Variants in SLC4A4 observed in about 807,000 individuals in gnomAD.
The protein encoded by SLC4A4 is solute carrier family 4 member 4.
SLC4A4 carries 27 observed loss-of-function variants against 111.5 expected under a neutral mutation model. The observed-to-expected ratio is 0.24, with a 90% confidence interval of 0.18 to 0.33. The LOEUF (loss-of-function observed/expected upper bound fraction) is 0.33. Among genes scored for constraint, SLC4A4 ranks in the 10% least tolerant of loss-of-function variants. The pLI is 1.00. For synonymous variants in SLC4A4, 443 were observed against 463.4 expected, an observed-to-expected ratio of 0.96 and a Z score of 0.57; for missense variants, 909 against 1,315.5, an observed-to-expected ratio of 0.69 and a Z score of 4.78.
At chr4:71,079,187 C>T (rs1741924800) in intron 1 of SLC4A4, among the ~76,000 whole-genome samples, 1 of 152,158 alleles carries the variant, frequency 6.6e-6, no homozygotes, top group Non-Finnish European at 1.5e-5. Context: ...TGACATGCCT[C>T]TGGGTGCTTC....
intron 7 of SLC4A4, among the ~76,000 whole-genome samples, chr4:71,401,385 A>G (rs1720351394): frequency 6.6e-6 from 1 of 152,192 alleles, no homozygotes. Flanking sequence ...ACCATATTCC[A>G]ACTTGGATGT....
At chr4:71,447,884 A>G (rs1577928053) in intron 9 of SLC4A4, 151 bp downstream of exon 9, 1 of 707,810 alleles carries the variant, frequency 1.4e-6, no homozygotes, top group East Asian at 2.7e-5. Context: ...AATGAGCTGA[A>G]TCCTATATGG....
At chr4:71,411,716 A>T (rs535231001) in intron 7 of SLC4A4, among the ~76,000 whole-genome samples, 47 of 152,212 alleles carry the variant, frequency 3.1e-4, no homozygotes, top group Non-Finnish European at 5.7e-4. Flanking sequence ...TCACAGAAAA[A>T]GTTTGCCTGT....
At chr4:71,539,778 G>A (rs1560601997) in intron 18 of SLC4A4, among the ~76,000 whole-genome samples, 1 of 152,078 alleles carries the variant, frequency 6.6e-6, no homozygotes, top group Non-Finnish European at 1.5e-5. Flanking sequence ...TCAGGACCAT[G>A]TTTTATTCCT....
chr4:71,450,692 G>A (rs988601419), intron 10 of SLC4A4, 149 bp downstream of exon 10: 13 of 729,274 alleles, frequency 1.8e-5, no homozygotes, highest in Non-Finnish European at 2.8e-5. Context: ...GATCACTTAT[G>A]TGCCTTGGTT....
intron 1 of SLC4A4, among the ~76,000 whole-genome samples, chr4:71,232,583 G>GA (rs201331796): frequency 7.9e-4 from 120 of 151,170 alleles, no homozygotes; most frequent in African/African-American, 2.5e-3. Flanking sequence ...AGCTAATTTG[G>GA]AAAAAAAAAT....
At chr4:71,501,464 G>A (rs1023054582) in intron 16 of SLC4A4, among the ~76,000 whole-genome samples, 2 of 150,612 alleles carry the variant, frequency 1.3e-5, no homozygotes, top group Non-Finnish European at 3.0e-5. Flanking sequence ...AGGTTATTTA[G>A]TTTGTTGTTG....
chr4:71,159,694 C>T (rs934409558), intron 2 of SLC4A4, among the ~76,000 whole-genome samples: 2 of 152,118 alleles, frequency 1.3e-5, no homozygotes, highest in Non-Finnish European at 2.9e-5. Flanking sequence ...AGGAGAAATT[C>T]TTAAAAATGG....
intron 2 of SLC4A4, among the ~76,000 whole-genome samples, chr4:71,249,025 A>G (rs912262292): frequency 3.9e-5 from 6 of 152,064 alleles, no homozygotes; most frequent in Non-Finnish European, 7.4e-5. Flanking sequence ...TCATCATCAA[A>G]TATTAAATAT....
intron 2 of SLC4A4, among the ~76,000 whole-genome samples, chr4:71,140,250 A>G (rs1743958793): frequency 6.6e-6 from 1 of 152,086 alleles, no homozygotes; most frequent in Non-Finnish European, 1.5e-5. Flanking sequence ...TGAAACCCTG[A>G]CGCTACAGAA....
At chr4:71,149,722 G>C (rs1445085301) in intron 2 of SLC4A4, among the ~76,000 whole-genome samples, 1 of 152,160 alleles carries the variant, frequency 6.6e-6, no homozygotes, top group African/African-American at 2.4e-5. Context: ...GGCTTTACTT[G>C]AAACCAGTTT....
intron 18 of SLC4A4, among the ~76,000 whole-genome samples, chr4:71,535,558 A>G (rs912686806): frequency 6.6e-6 from 1 of 152,160 alleles, no homozygotes; most frequent in Non-Finnish European, 1.5e-5. Context: ...CTCCCGAAGC[A>G]TGTTGACAAT....
At chr4:71,314,750 C>T (rs1181184330) in intron 3 of SLC4A4, among the ~76,000 whole-genome samples, 1 of 151,944 alleles carries the variant, frequency 6.6e-6, no homozygotes, top group Non-Finnish European at 1.5e-5. Flanking sequence ...TGGAACAACA[C>T]ACACTGGGGC....
intron 2 of SLC4A4, among the ~76,000 whole-genome samples, chr4:71,132,932 A>G (rs1975709): frequency 2.0e-5 from 3 of 152,328 alleles, no homozygotes; most frequent in South Asian, 4.1e-4. Flanking sequence ...GGCCACTCCA[A>G]TGCAGTGAAC....
At chr4:71,307,608 C>A (rs549067418) in intron 3 of SLC4A4, among the ~76,000 whole-genome samples, 35 of 152,232 alleles carry the variant, frequency 2.3e-4, no homozygotes, top group African/African-American at 8.2e-4. Flanking sequence ...TGGGTTATGG[C>A]AGGAAATGCT....
intron 2 of SLC4A4, among the ~76,000 whole-genome samples, chr4:71,157,857 G>C (rs888003573): frequency 1.3e-5 from 2 of 152,096 alleles, no homozygotes; most frequent in African/African-American, 4.8e-5. Context: ...AGCAACAGTG[G>C]GAAGAGGAAA....
intron 2 of SLC4A4, among the ~76,000 whole-genome samples, chr4:71,157,012 C>T (rs1325037145): frequency 2.0e-5 from 3 of 152,092 alleles, no homozygotes; most frequent in African/African-American, 4.8e-5. Flanking sequence ...GAGACTATTC[C>T]TACCCAGCAT....
chr4:71,331,985 G>A (rs1218185122), intron 3 of SLC4A4, among the ~76,000 whole-genome samples: 1 of 152,134 alleles, frequency 6.6e-6, no homozygotes, highest in African/African-American at 2.4e-5. Context: ...GTAGTAGTTT[G>A]TAATGATCCT....
intron 2 of SLC4A4, among the ~76,000 whole-genome samples, chr4:71,118,798 G>A (rs1469998869): frequency 6.6e-6 from 1 of 152,130 alleles, no homozygotes; most frequent in East Asian, 1.9e-4. Flanking sequence ...GACTTCAGAG[G>A]AGGGAGATAT....
Sources: gnomAD v4.1 joint callset for allele counts (sites outside exome capture counted in the v4.1 genomes callset) on GRCh38, gnomAD v4.1.1 for gene constraint, MANE v1.5 for transcripts, NCBI Gene and HGNC (gene_info 2026-07-23, HGNC 2026-07-21) for gene names.